TYR: variants seen among roughly 807,000 people sequenced by gnomAD.
The protein encoded by TYR is LB24-AB.
A neutral mutation model predicts 51.5 loss-of-function variants in TYR; 58 were observed. The observed-to-expected ratio is 1.13, with a 90% confidence interval of 0.91 to 1.40. The LOEUF (loss-of-function observed/expected upper bound fraction) is 1.40. TYR is among the 40% of genes most tolerant of loss of function. The pLI is 0.00. For synonymous variants in TYR, 263 were observed against 235.2 expected (o/e 1.12, Z -1.08); for missense variants, 732 against 647.4 (o/e 1.13, Z -1.42).
At chr11:89,223,758 A>T (rs1943942165) in intron 2 of TYR, among the ~76,000 whole-genome samples, 1 of 152,168 alleles carries the variant, frequency 6.6e-6, no homozygotes, top group African/African-American at 2.4e-5. Flanking sequence ...TACATTATTT[A>T]AAATTGTTAC....
intron 3 of TYR, among the ~76,000 whole-genome samples, chr11:89,272,758 TAAC>T: frequency 6.6e-6 from 1 of 152,106 alleles, no homozygotes; most frequent in South Asian, 2.1e-4. Flanking sequence ...TCTCTTATCT[TAAC>T]AAGATCTTCT....
intron 3 of TYR, among the ~76,000 whole-genome samples, chr11:89,235,844 C>A (rs536401533): frequency 1.3e-5 from 2 of 151,992 alleles, no homozygotes; most frequent in Admixed American, 1.3e-4. Context: ...ATGCTCTTAC[C>A]ACAATAAAAT....
intron 3 of TYR, among the ~76,000 whole-genome samples, chr11:89,255,998 T>C (rs1258495892): frequency 1.3e-5 from 2 of 151,740 alleles, no homozygotes; most frequent in African/African-American, 4.8e-5. Context: ...ATTTTACTTC[T>C]GTTCTCATCT....
chr11:89,236,274 G>GT (rs1271023038), intron 3 of TYR, among the ~76,000 whole-genome samples: 6 of 151,218 alleles, frequency 4.0e-5, no homozygotes, highest in Non-Finnish European at 2.9e-5. Flanking sequence ...AGAGAAAGAG[G>GT]TTTTTTCTGT....
At position 89,227,795 on chromosome 11, in the gene TYR, A is replaced by AT. The variant is rs3834913; in HGVS notation, c.1037-21dup. On this transcript the variant is annotated intron_variant, in intron 2 of 4. Transcript: ENST00000263321. ...GGTTTTCAGTCATTAAAGTAAACAT[A>AT]TTTTTTTCATTTTTTTTTAATGAAC... The AT allele has an allele frequency of 1.4e-3, 2,308 of 1,603,182 alleles. 40 individuals are homozygous for AT. The East Asian group carries it at 0.043, about 30-fold the overall frequency.
intron 3 of TYR, among the ~76,000 whole-genome samples, chr11:89,257,645 G>A (rs192163805): frequency 1.8e-3 from 275 of 152,124 alleles, no homozygotes; most frequent in South Asian, 1.7e-3. Flanking sequence ...GGTTATATGT[G>A]AAAACACAGA....
At chr11:89,236,636 G>T (rs994050657) in intron 3 of TYR, among the ~76,000 whole-genome samples, 1 of 152,136 alleles carries the variant, frequency 6.6e-6, no homozygotes, top group African/African-American at 2.4e-5. Context: ...ATCCTCTCAA[G>T]TTGCTACCTA....
At chr11:89,188,396 T>C (rs1943403372) in intron 1 of TYR, among the ~76,000 whole-genome samples, 1 of 152,062 alleles carries the variant, frequency 6.6e-6, no homozygotes, top group African/African-American at 2.4e-5. Context: ...AATCATTCTA[T>C]GAGAGTTCTT....
chr11:89,262,149 C>A (rs1371226269), intron 3 of TYR, among the ~76,000 whole-genome samples: 10 of 152,056 alleles, frequency 6.6e-5, no homozygotes, highest in African/African-American at 2.4e-4. Flanking sequence ...ACCTCTGCCT[C>A]CTGGGTTCAA....
intron 3 of TYR, among the ~76,000 whole-genome samples, chr11:89,260,514 T>A (rs1240011132): frequency 6.6e-6 from 1 of 151,986 alleles, no homozygotes; most frequent in Non-Finnish European, 1.5e-5. Flanking sequence ...AATGAAAAAC[T>A]GAGAGATTGC....
At chr11:89,236,697 T>C (rs1380256693) in intron 3 of TYR, among the ~76,000 whole-genome samples, 2 of 152,234 alleles carry the variant, frequency 1.3e-5, no homozygotes, top group African/African-American at 2.4e-5. Flanking sequence ...CATTCAATTA[T>C]GCACAAATAT....
At chr11:89,216,644 T>A (rs1427720912) in intron 2 of TYR, among the ~76,000 whole-genome samples, 8 of 60,774 alleles carry the variant, frequency 1.3e-4, no homozygotes, top group African/African-American at 7.1e-4. Context: ...AGTTTTTCCA[T>A]CTCAAAAAAA....
intron 3 of TYR, among the ~76,000 whole-genome samples, chr11:89,261,491 A>T (rs562162197): frequency 1.3e-4 from 20 of 152,284 alleles, no homozygotes; most frequent in African/African-American, 4.8e-4. Flanking sequence ...AACAATAAAA[A>T]GGTCAATTGC....
At chr11:89,214,454 C>G (rs1449354063) in intron 2 of TYR, among the ~76,000 whole-genome samples, 1 of 152,130 alleles carries the variant, frequency 6.6e-6, no homozygotes, top group Non-Finnish European at 1.5e-5. Context: ...TTAGTTCAAC[C>G]ATTGTGGAAG....
intron 3 of TYR, among the ~76,000 whole-genome samples, chr11:89,274,469 T>C (rs1457199035): frequency 6.6e-6 from 1 of 151,896 alleles, no homozygotes; most frequent in Non-Finnish European, 1.5e-5. Flanking sequence ...GTAGAACTAA[T>C]GGCTTCTGCT....
chr11:89,278,303 A>G (rs1041223936), intron 3 of TYR, among the ~76,000 whole-genome samples: 5 of 151,716 alleles, frequency 3.3e-5, no homozygotes, highest in African/African-American at 1.2e-4. Context: ...GTCCATAACT[A>G]TAGGTTGATT....
rs1943819083 is a variant in TYR at position 89,215,412 on chromosome 11, CTAATTTAAA to C, written c.1037-12407_1037-12399del. Among the ~76,000 whole-genome samples the C allele has an allele frequency of 2.0e-5, 3 of 152,154 alleles. No homozygotes were observed. The South Asian group carries it at 6.2e-4, about 32-fold the overall frequency. ...GGAGGGATAGTGTTAGGAGAAATATCTAATTTAAATAACGAGCTGATGGGTGCAGCACAC... is the reference window on the plus strand; with the variant it reads ...GGAGGGATAGTGTTAGGAGAAATATCTAACGAGCTGATGGGTGCAGCACAC... On this transcript the variant is annotated intron_variant, in intron 2 of 4. Transcript: ENST00000263321.
intron 3 of TYR, among the ~76,000 whole-genome samples, chr11:89,267,289 A>G (rs1944536985): frequency 6.6e-6 from 1 of 151,914 alleles, no homozygotes; most frequent in African/African-American, 2.4e-5. Context: ...TTGAATAATG[A>G]CTCTTACTTT....
rs374978387 is a variant in TYR at position 89,250,947 on chromosome 11, TGTG to T, written c.1184+22978_1184+22980del. 2.5e-4 allele frequency among the ~76,000 whole-genome samples: 38 copies of T among 151,998 alleles called. No individual in the cohort carries two copies. The East Asian group carries it at 6.4e-3, about 26-fold the overall frequency. On this transcript the variant is annotated intron_variant, in intron 3 of 4. Transcript: ENST00000263321. Reference sequence around the variant, plus strand: ...TTAAATCAGACCTAGCTTTTAAAATTGTGATGATAAAATAGAGAAATAAGAAAA... The same window carrying T: ...TTAAATCAGACCTAGCTTTTAAAATTATGATAAAATAGAGAAATAAGAAAA...
Sources: gnomAD v4.1 joint callset for allele counts (sites outside exome capture counted in the v4.1 genomes callset) on GRCh38, gnomAD v4.1.1 for gene constraint, MANE v1.5 for transcripts, NCBI Gene and HGNC (gene_info 2026-07-23, HGNC 2026-07-21) for gene names.